The following RAB3GAP1 variants were observed in gnomAD, a reference collection of about 807,000 sequenced individuals.
RAB3GAP1 encodes RAB3 GTPase activating protein catalytic subunit 1, also known as rab3 GTPase-activating protein catalytic subunit.
A neutral mutation model predicts 130.7 loss-of-function variants in RAB3GAP1; 86 were observed. The ratio of observed to expected loss-of-function variants is 0.66; its 90% confidence interval spans 0.55 to 0.79. RAB3GAP1 has a LOEUF of 0.79. Among genes scored for constraint, RAB3GAP1 ranks in the 30% least tolerant of loss-of-function variants. The pLI is 0.00. For missense variants in RAB3GAP1, 1,029 were observed against 1,169.4 expected (o/e 0.88, Z 1.75); for synonymous variants, 367 against 401.7 (o/e 0.91, Z 1.03).
At chr2:135,137,862 G>T (rs1691718681) in intron 17 of RAB3GAP1, among the ~76,000 whole-genome samples, 1 of 146,388 alleles carries the variant, frequency 6.8e-6, no homozygotes. Flanking sequence ...GTCTCTCTTT[G>T]TCACCCAGGT....
At chr2:135,093,797 C>T in intron 5 of RAB3GAP1, 104 bp downstream of exon 5, 2 of 912,120 alleles carry the variant, frequency 2.2e-6, no homozygotes, top group Non-Finnish European at 3.7e-6. Context: ...GAGGACTCAG[C>T]ATTTAATTGC....
At chr2:135,086,686 T>TC (rs1198712713) in intron 3 of RAB3GAP1, among the ~76,000 whole-genome samples, 3 of 126,720 alleles carry the variant, frequency 2.4e-5, no homozygotes, top group African/African-American at 7.4e-5. Context: ...TTTTTTTTTT[T>TC]CCTTAGAGAT....
At chr2:135,163,280 C>A (rs1692523330) in intron 22 of RAB3GAP1, among the ~76,000 whole-genome samples, 179 bp downstream of exon 22, 1 of 152,216 alleles carries the variant, frequency 6.6e-6, no homozygotes, top group Non-Finnish European at 1.5e-5. Flanking sequence ...ATTTCTGAGT[C>A]TCTACCAGGT....
At chr2:135,154,308 C>T (rs1029679552) in intron 19 of RAB3GAP1, among the ~76,000 whole-genome samples, 4 of 152,100 alleles carry the variant, frequency 2.6e-5, no homozygotes, top group African/African-American at 9.7e-5. Flanking sequence ...TATGGTATAT[C>T]CATTAGTGGC....
chr2:135,083,767 G>GTT lies in RAB3GAP1; in HGVS notation c.151-7208_151-7207dup, dbSNP rs34087354. ...GGCGTCAGCCACTGTACCCAACACG[G>GTT]TTTTTTTTTTTTTTTTTTTTTTTTA... On this transcript the variant is annotated intron_variant, in intron 3 of 23. Coordinates refer to ENST00000264158, the MANE Select transcript of RAB3GAP1 (RefSeq NM_012233.3). Among the ~76,000 whole-genome samples the GTT allele has an allele frequency of 6.9e-3, 681 of 98,110 alleles. 4 individuals are homozygous for GTT. Among genetic ancestry groups the GTT allele is most frequent in the Middle Eastern group, 0.02 (2 of 100 alleles). 64.4% of individuals were successfully genotyped at this position (98,110 alleles called of 152,430 possible). A position where few individuals can be genotyped will look rare whatever the true frequency, so the allele number is the denominator to read the frequency against.
At chr2:135,065,329 G>C (rs1272262334) in intron 3 of RAB3GAP1, among the ~76,000 whole-genome samples, 2 of 152,166 alleles carry the variant, frequency 1.3e-5, no homozygotes, top group African/African-American at 4.8e-5. Context: ...GGGTGATCAG[G>C]GTCCCTGCCT....
At chr2:135,115,440 A>G (rs1690942892) in intron 7 of RAB3GAP1, 59 bp downstream of exon 7, 11 of 1,515,186 alleles carry the variant, frequency 7.3e-6, no homozygotes, top group Admixed American at 3.4e-5. Flanking sequence ...TAGAGATTTG[A>G]TCATTTTATT....
chr2:135,089,513 C>T (rs917860386), intron 3 of RAB3GAP1: 1 of 152,188 alleles, frequency 6.6e-6, no homozygotes, highest in Non-Finnish European at 1.5e-5. Context: ...TCTTTCCATC[C>T]ATGAGCATGG....
intron 7 of RAB3GAP1, among the ~76,000 whole-genome samples, chr2:135,117,582 G>GCTTCTTCTGCTTCTTCTT (rs1691035395): frequency 1.7e-5 from 1 of 60,562 alleles, no homozygotes; most frequent in Non-Finnish European, 4.9e-5. Context: ...TTCTTCTTCT[G>GCTTCTTCTGCTTCTTCTT]CTTCTTCTTC....
rs138971684 is a variant in RAB3GAP1 at position 135,060,965 on chromosome 2, A to G, written c.150+2879A>G. The stretch of plus-strand genomic sequence containing the variant: ...GCAATCTGCTTGCCTGGGCCTCCCA[A>G]AGTGCTGGGATTACAAGTGTGAACC... On this transcript the variant is annotated intron_variant, in intron 3 of 23. Transcript: ENST00000264158. Among the ~76,000 whole-genome samples the G allele has an allele frequency of 2.6e-3, 388 of 149,880 alleles. 1 individual carries two copies. The highest frequency in any genetic ancestry group is 8.7e-3 in the African/African-American group (354 of 40,832).
intron 5 of RAB3GAP1, among the ~76,000 whole-genome samples, chr2:135,109,111 G>A (rs2104906218): frequency 6.6e-6 from 1 of 152,010 alleles, no homozygotes; most frequent in African/African-American, 2.4e-5. Flanking sequence ...GATAGTGTTA[G>A]TTCTCCAACT....
chr2:135,142,152 A>G (rs1297629778), intron 17 of RAB3GAP1, among the ~76,000 whole-genome samples: 1 of 152,234 alleles, frequency 6.6e-6, no homozygotes, highest in Non-Finnish European at 1.5e-5. Context: ...GAGAATTGAC[A>G]TCTTAATATT....
intron 3 of RAB3GAP1, among the ~76,000 whole-genome samples, chr2:135,081,423 T>TGTGTATG (rs1689818784): frequency 1.4e-5 from 2 of 145,636 alleles, no homozygotes; most frequent in Non-Finnish European, 3.0e-5. Context: ...TATGTGTGTG[T>TGTGTATG]GTGTATGTGT....
chr2:135,071,936 T>C (rs1308792380), intron 3 of RAB3GAP1, among the ~76,000 whole-genome samples: 1 of 152,168 alleles, frequency 6.6e-6, no homozygotes, highest in Non-Finnish European at 1.5e-5. Context: ...CTTTTTGAAA[T>C]GAGTCTCGCT....
At chr2:135,092,937 A>T (rs923248778) in intron 4 of RAB3GAP1, among the ~76,000 whole-genome samples, 1 of 152,232 alleles carries the variant, frequency 6.6e-6, no homozygotes, top group South Asian at 2.1e-4. Flanking sequence ...CATTTATGTT[A>T]TCAGCATTGT....
At chr2:135,162,699 A>C (rs1692499340) in intron 20 of RAB3GAP1, 48 bp downstream of exon 20, 1 of 1,605,274 alleles carries the variant, frequency 6.2e-7, no homozygotes, top group South Asian at 1.1e-5. Flanking sequence ...AAGTGAAAGT[A>C]TATTTTGCTT....
At chr2:135,120,550 C>G (rs1558786103) in intron 7 of RAB3GAP1, among the ~76,000 whole-genome samples, 1 of 152,168 alleles carries the variant, frequency 6.6e-6, no homozygotes, top group Admixed American at 6.5e-5. Context: ...AGCTTTTGGA[C>G]TGTGAGAATT....
intron 5 of RAB3GAP1, among the ~76,000 whole-genome samples, chr2:135,098,253 G>A (rs1041595380): frequency 1.3e-5 from 2 of 151,904 alleles, no homozygotes; most frequent in Non-Finnish European, 2.9e-5. Flanking sequence ...TTGAGAGTTC[G>A]TTGTATACTT....
chr2:135,115,363 T>TC lies in RAB3GAP1; in HGVS notation c.630_631insC (p.Ile211HisfsTer17), dbSNP rs1064794536. The stretch of plus-strand genomic sequence containing the variant: ...ACACTCACTTATCAGGTCTGCTGGA[T>TC]ATCTTCAAATCAAAGATTGTGAGTT... On this transcript the variant is annotated frameshift_variant, in exon 7 of 24. Coordinates refer to ENST00000264158, the MANE Select transcript of RAB3GAP1 (RefSeq NM_012233.3). LOFTEE classifies it high-confidence loss of function. 15 of 1,611,514 alleles carry TC rather than the reference T, an allele frequency of 9.3e-6. No individual in the cohort carries two copies. The highest frequency in any genetic ancestry group is 1.2e-5 in the Non-Finnish European group (14 of 1,177,898).
Sources: allele counts gnomAD v4.1 joint callset (sites outside exome capture counted in the v4.1 genomes callset), GRCh38; gene constraint gnomAD v4.1.1; transcripts MANE v1.5; gene names NCBI Gene and HGNC (gene_info 2026-07-23, HGNC 2026-07-21).